Variants in NRXN1 observed in about 807,000 individuals in gnomAD.
NRXN1 encodes the protein neurexin 1.
A neutral mutation model predicts 150.9 loss-of-function variants in NRXN1; 39 were observed. The observed-to-expected ratio is 0.26, with a 90% CI of 0.20 to 0.34. NRXN1 has a LOEUF of 0.34. Ranked by LOEUF, NRXN1 falls within the 10% of genes least tolerant of loss-of-function variation. The pLI, the probability that NRXN1 is intolerant of heterozygous loss-of-function variation, is 1.00. For synonymous variants in NRXN1, 924 were observed against 757.0 expected (o/e 1.22, Z -3.62); for missense variants, 1,815 against 1,949.9 (o/e 0.93, Z 1.30).
chr2:50,900,651 C>A (rs17041095), intron 5 of NRXN1, among the ~76,000 whole-genome samples: 39,622 of 151,852 alleles, frequency 0.26, 7,980 homozygotes, highest in African/African-American at 0.53. Context: ...TAGGGCTCTT[C>A]AATAGTAGGA....
chr2:50,393,529 G>T (rs979838943), intron 17 of NRXN1, among the ~76,000 whole-genome samples: 1 of 152,030 alleles, frequency 6.6e-6, no homozygotes, highest in Non-Finnish European at 1.5e-5. Flanking sequence ...AAGAACTTAA[G>T]AAAAATGAGA....
chr2:50,793,271 C>T (rs1365799938), intron 5 of NRXN1, among the ~76,000 whole-genome samples: 2 of 151,990 alleles, frequency 1.3e-5, no homozygotes, highest in African/African-American at 2.4e-5. Flanking sequence ...CATTAATTGT[C>T]AATGGTATGA....
chr2:50,305,251 G>A lies in NRXN1; in HGVS notation c.3365-68281C>T, dbSNP rs190878737. ...TTCAGAAACAGAAACGAGTTACAGA[G>A]CTTTCAACTTTTATTTATATAATAT... On this transcript the variant is annotated intron_variant, in intron 17 of 22. Coordinates refer to ENST00000401669, the MANE Select transcript of NRXN1 (RefSeq NM_001330078.2). 1.0e-3 allele frequency among the ~76,000 whole-genome samples: 159 copies of A among 152,268 alleles called. 3 individuals are homozygous for A. Among genetic ancestry groups the A allele is most frequent in the Admixed American group, 2.5e-3 (38 of 15,296 alleles).
chr2:50,035,088 A>G (rs1689823665), intron 21 of NRXN1, among the ~76,000 whole-genome samples: 1 of 152,150 alleles, frequency 6.6e-6, no homozygotes, highest in Non-Finnish European at 1.5e-5. Flanking sequence ...ACATTCATTG[A>G]CTGCACATCT....
chr2:50,790,967 T>C (rs1191363100), intron 5 of NRXN1, among the ~76,000 whole-genome samples: 2 of 152,094 alleles, frequency 1.3e-5, no homozygotes, highest in African/African-American at 4.8e-5. Context: ...GATTTTCAGA[T>C]TAGGGATGCT....
intron 5 of NRXN1, among the ~76,000 whole-genome samples, chr2:50,751,297 A>G (rs1017305928): frequency 6.6e-6 from 1 of 152,094 alleles, no homozygotes; most frequent in Non-Finnish European, 1.5e-5. Flanking sequence ...GTGATTGTGA[A>G]CAGATACACT....
chr2:50,374,702 T>A (rs867091292), intron 17 of NRXN1, among the ~76,000 whole-genome samples: 1 of 152,164 alleles, frequency 6.6e-6, no homozygotes, highest in African/African-American at 2.4e-5. Flanking sequence ...TGCATGGTGA[T>A]CTTTATGTGA....
At chr2:50,773,758 C>T (rs1465138070) in intron 5 of NRXN1, among the ~76,000 whole-genome samples, 1 of 152,080 alleles carries the variant, frequency 6.6e-6, no homozygotes, top group Non-Finnish European at 1.5e-5. Context: ...GGTTTCCAGG[C>T]CATTTGTTCT....
chr2:50,495,380 GGT>G (rs1157611088), intron 15 of NRXN1, among the ~76,000 whole-genome samples: 1,136 of 17,714 alleles, frequency 0.064, 9 homozygotes, highest in South Asian at 0.2. Context: ...GTGTGTGTGT[GGT>G]GTGTGTGTGT....
Position 50,496,080 on chromosome 2 carries a change from C to G in NRXN1, c.2895G>C (p.Val965=), listed in dbSNP as rs199734638. The G allele has an allele frequency of 3.1e-6, 5 of 1,603,646 alleles. No individual in the cohort carries two copies. The highest frequency in any genetic ancestry group is 4.3e-6 in the Non-Finnish European group (5 of 1,174,476). Residue 965 remains valine, a synonymous_variant, in exon 15 of 23, where the codon GTG becomes GTC. Coordinates refer to ENST00000401669, the MANE Select transcript of NRXN1 (RefSeq NM_001330078.2). The stretch of plus-strand genomic sequence containing the variant: ...GGTTAGCACCATTTCCCAAATCAAA[C>G]ACGTAATGTAAGTACCTGGGAAAAA... ...VELVKGYLHY[V]FDLGNGANLI...
intron 5 of NRXN1, among the ~76,000 whole-genome samples, chr2:50,867,963 A>C (rs1677173844): frequency 6.6e-6 from 1 of 151,526 alleles, no homozygotes; most frequent in Admixed American, 6.6e-5. Flanking sequence ...ATACTTTATA[A>C]TGACCTGAAC....
intron 17 of NRXN1, among the ~76,000 whole-genome samples, chr2:50,266,771 G>T (rs1002651865): frequency 6.6e-6 from 1 of 151,958 alleles, no homozygotes; most frequent in African/African-American, 2.4e-5. Flanking sequence ...TAATGACTCC[G>T]CTGTGAAGAA....
chr2:50,544,865 A>G (rs1053080581), intron 9 of NRXN1, among the ~76,000 whole-genome samples: 1 of 152,196 alleles, frequency 6.6e-6, no homozygotes, highest in African/African-American at 2.4e-5. Flanking sequence ...TCTTCCATAG[A>G]GAAATGCCTA....
At chr2:50,666,938 C>G (rs1250587335) in intron 5 of NRXN1, among the ~76,000 whole-genome samples, 1 of 150,114 alleles carries the variant, frequency 6.7e-6, no homozygotes, top group African/African-American at 2.4e-5. Context: ...TTTATTGATT[C>G]TAGGATTAGA....
At chr2:50,266,083 C>T (rs1574832533) in intron 17 of NRXN1, among the ~76,000 whole-genome samples, 1 of 149,132 alleles carries the variant, frequency 6.7e-6, no homozygotes, top group African/African-American at 2.5e-5. Context: ...ACTGCAACTT[C>T]TGCCTCCTGG....
chr2:50,898,072 A>C (rs1451130557), intron 5 of NRXN1, among the ~76,000 whole-genome samples: 1 of 152,150 alleles, frequency 6.6e-6, no homozygotes, highest in Non-Finnish European at 1.5e-5. Flanking sequence ...TATTTCTTGA[A>C]TTGCATTAGG....
At chr2:50,243,850 C>T (rs1296837573) in intron 17 of NRXN1, among the ~76,000 whole-genome samples, 1 of 151,320 alleles carries the variant, frequency 6.6e-6, no homozygotes, top group Non-Finnish European at 1.5e-5. Flanking sequence ...GCCAAGATAC[C>T]ATTTAAAAAA....
chr2:50,364,704 T>C (rs2079465831), intron 17 of NRXN1, among the ~76,000 whole-genome samples: 1 of 152,048 alleles, frequency 6.6e-6, no homozygotes, highest in Non-Finnish European at 1.5e-5. Context: ...AAAACAGACA[T>C]GGTAAAAGAA....
chr2:50,533,975 T>C (rs2093186901), intron 10 of NRXN1, among the ~76,000 whole-genome samples: 1 of 152,052 alleles, frequency 6.6e-6, no homozygotes, highest in Admixed American at 6.6e-5. Flanking sequence ...ATATGCCCTT[T>C]AGAATACAAG....
Sources: allele counts gnomAD v4.1 joint callset (sites outside exome capture counted in the v4.1 genomes callset), GRCh38; gene constraint gnomAD v4.1.1; transcripts MANE v1.5; gene names NCBI Gene and HGNC (gene_info 2026-07-23, HGNC 2026-07-21).